RHBG: variants seen among roughly 807,000 people sequenced by gnomAD.
RHBG encodes Rh family B glycoprotein.
A neutral mutation model predicts 40.1 loss-of-function variants in RHBG; 39 were observed. That is an observed-to-expected ratio of 0.97 (90% CI 0.75 to 1.27). RHBG has a LOEUF of 1.27. Ranked by LOEUF, RHBG falls within the 50% of genes most tolerant of loss-of-function variation. The pLI, the probability that RHBG is intolerant of heterozygous loss-of-function variation, is 0.00. For synonymous variants in RHBG, 237 were observed against 252.5 expected (o/e 0.94, Z 0.58); for missense variants, 549 against 588.1 (o/e 0.93, Z 0.69).
In RHBG at chr1:156,381,428, T is replaced by C. The variant is rs558426168; in HGVS notation, c.755T>C (p.Leu252Pro). The C allele has an allele frequency of 6.2e-7, 1 of 1,614,124 alleles. No homozygotes were observed. The change falls in exon 5 of 10, where the codon CTC becomes CCC. Residue 252 changes from leucine (L) to proline (P), a missense_variant. By Grantham distance (98) the Leu-to-Pro change is moderately conservative. This residue lies in a region of RHBG where 399 missense variants were observed against 417.0 expected (regional missense o/e 0.96). Transcript: ENST00000537040. ...GGGGCTGGGCAGCATCGGACGGCCC[T>C]CAACACATACTACTCCCTGGCTGCC... ...ALGAGQHRTA[L>P]NTYYSLAAST... is the part of the protein sequence containing the mutation.
Position 156,384,897 on chromosome 1 carries a change from C to A in RHBG, c.*52C>A. ...GCTCCTTTTCGAAGATGCTGACTGG[C>A]TGCTACTAGGAAGTTCTTTTTGAGC... On this transcript the variant is annotated 3_prime_UTR_variant, in exon 10 of 10. Transcript: ENST00000537040. The A allele has an allele frequency of 8.1e-7, 1 of 1,229,664 alleles. No homozygotes were observed. The highest frequency in any genetic ancestry group is 1.2e-6 in the Non-Finnish European group (1 of 853,138). 76.2% of individuals were successfully genotyped at this position (1,229,664 alleles called of 1,614,324 possible). A position where few individuals can be genotyped will look rare whatever the true frequency, so the allele number is the denominator to read the frequency against.
chr1:156,375,685 T>A (rs545648816), intron 1 of RHBG, among the ~76,000 whole-genome samples: 2 of 151,906 alleles, frequency 1.3e-5, no homozygotes, highest in Non-Finnish European at 1.5e-5. Flanking sequence ...TTTTCTGACT[T>A]GTTGGTGTGC....
In RHBG at chr1:156,384,613, T is replaced by C. The variant is rs1287874163; in HGVS notation, c.1308+13T>C. The C allele has an allele frequency of 6.4e-7, 1 of 1,566,998 alleles. No homozygotes were observed. Among genetic ancestry groups the C allele is most frequent in the South Asian group, 1.2e-5 (1 of 83,996 alleles). On this transcript the variant is annotated intron_variant, in intron 9 of 9. Transcript: ENST00000537040. ...AGTTCACTGGCAGGTGAGACATTGC[T>C]GGGCTCTCACACCCTCTGAGTCTCC...
rs1667297530 is a variant in RHBG, at chr1:156,377,476, T to C, written c.363T>C (p.Val121=). The C allele has an allele frequency of 6.2e-7, 1 of 1,607,026 alleles. No individual in the cohort carries two copies. Among genetic ancestry groups the C allele is most frequent in the Non-Finnish European group, 8.5e-7 (1 of 1,174,144 alleles). Residue 121 remains valine (V), a synonymous_variant, in exon 2 of 10, where the codon GTT becomes GTC. Transcript: ENST00000537040. This position sits in a 1 kb window ranked among gnomAD's most constrained non-coding sequence, Gnocchi z 4.6. ...LHSFHGGHIH[V]GVESMINADF... Reference sequence around the variant, plus strand: ...CCTTCCACGGTGGCCACATCCATGTTGGCGTGGAGAGGTGGGCAGCCGCCA... The same window carrying C: ...CCTTCCACGGTGGCCACATCCATGTCGGCGTGGAGAGGTGGGCAGCCGCCA...
chr1:156,384,359 A>G, intron 8 of RHBG, 168 bp from the exon 9 acceptor site: 1 of 718,592 alleles, frequency 1.4e-6, no homozygotes, highest in Non-Finnish European at 2.6e-6. Flanking sequence ...CACTTTGCAC[A>G]GGGCCTGGCA....
At chr1:156,378,512 C>G (rs1667393540) in intron 4 of RHBG, 113 bp downstream of exon 4, 1 of 1,288,780 alleles carries the variant, frequency 7.8e-7, no homozygotes, top group Non-Finnish European at 1.1e-6. Flanking sequence ...TGTGGGCATT[C>G]ACTTCCCATT....
At chr1:156,374,897 CT>C (rs913409775) in intron 1 of RHBG, among the ~76,000 whole-genome samples, 2 of 151,742 alleles carry the variant, frequency 1.3e-5, no homozygotes, top group African/African-American at 2.4e-5. Flanking sequence ...GAATTCCATT[CT>C]TTTTTTATGG....
At position 156,369,537 on chromosome 1, in the gene RHBG, GGCAGCC is replaced by G; in HGVS notation, c.187+103_187+108del. ...GCATTTGGGTGCCCGCATTTAGCTGGGCAGCCGTCTCGCTCTGAGGTGGAGGGGCTC... is the reference window on the plus strand; with the variant it reads ...GCATTTGGGTGCCCGCATTTAGCTGGGTCTCGCTCTGAGGTGGAGGGGCTC... On this transcript the variant is annotated intron_variant, in intron 1 of 9. Transcript: ENST00000537040. 3 of 1,290,592 alleles carry G rather than the reference GGCAGCC, an allele frequency of 2.3e-6. No individual in the cohort carries two copies. The East Asian group carries it at 7.7e-5, about 33-fold the overall frequency. 79.9% of individuals were successfully genotyped at this position (1,290,592 alleles called of 1,614,324 possible). A position where few individuals can be genotyped will look rare whatever the true frequency, so the allele number is the denominator to read the frequency against.
chr1:156,378,003 G>A lies in RHBG; in HGVS notation c.388G>A (p.Asp130Asn). 1 of 1,549,136 alleles carries A rather than the reference G, an allele frequency of 6.5e-7. No homozygotes were observed. The highest frequency in any genetic ancestry group is 1.7e-4 in the Middle Eastern group (1 of 5,758). Residue 130 changes from aspartate (D) to asparagine (N), a missense_variant, in exon 3 of 10, where the codon GAC (aspartate) becomes AAC (asparagine). By Grantham distance (23) the Asp-to-Asn change is conservative. Coordinates refer to ENST00000537040, the MANE Select transcript of RHBG (RefSeq NM_020407.5). The part of the protein sequence containing the change: ...HVGVESMINA[D>N]FCAGAVLISF... Reference sequence around the variant, plus strand: ...CCCCATCCCCAGCATGATCAATGCTGACTTTTGTGCGGGGGCCGTGCTCAT... The same window carrying A: ...CCCCATCCCCAGCATGATCAATGCTAACTTTTGTGCGGGGGCCGTGCTCAT...
chr1:156,377,914 G>T lies in RHBG; in HGVS notation c.375-76G>T. The stretch of plus-strand genomic sequence containing the variant: ...CCCACCCACCACATCATGCTGTCCT[G>T]GCTTCATGCCAGGCAGGAACCCCGA... On this transcript the variant is annotated intron_variant, in intron 2 of 9. Transcript: ENST00000537040. The surrounding 1 kb of genome is among the most constrained non-coding windows in gnomAD (Gnocchi z 4.6). The T allele has an allele frequency of 2.3e-5, 28 of 1,233,422 alleles. No individual in the cohort carries two copies. The highest frequency in any genetic ancestry group is 3.0e-5 in the African/African-American group (2 of 66,204). The allele number at this position is 1,233,422 out of a possible 1,614,324, so 76.4% of individuals were successfully genotyped here.
chr1:156,369,400 A>G lies in RHBG; in HGVS notation c.151A>G (p.Ser51Gly). ...DAALWHRSNH[S>G]NADNEFYFRY... ...TGCCCTCTGGCACCGGAGCAACCAC[A>G]GTAACGCGGACAATGAATTTTACTT... Residue 51 changes from serine (S) to glycine (G), a missense_variant, in exon 1 of 10, where the codon AGT becomes GGT. Ser to Gly is a moderately conservative substitution (Grantham distance 56, BLOSUM62 0). Around this residue, in one of 3 missense-constraint regions of RHBG, gnomAD observed 99 missense variants for 85.2 expected, o/e 1.16. Coordinates refer to ENST00000537040, the MANE Select transcript of RHBG (RefSeq NM_020407.5). 6.2e-7 allele frequency: 1 copy of G among 1,613,832 alleles called. No homozygotes were observed. The highest frequency in any genetic ancestry group is 1.1e-5 in the South Asian group (1 of 91,050).
In RHBG at chr1:156,381,448, G is replaced by A. The variant is rs908293852; in HGVS notation, c.775G>A (p.Ala259Thr). Reference sequence around the variant, plus strand: ...GGCCCTCAACACATACTACTCCCTGGCTGCCAGCACCCTTGGCACCTTTGC... The same window carrying A: ...GGCCCTCAACACATACTACTCCCTGACTGCCAGCACCCTTGGCACCTTTGC... ...RTALNTYYSL[A>T]ASTLGTFALS... The change falls in exon 5 of 10, where the codon GCT (alanine) becomes ACT (threonine). Residue 259 changes from alanine to threonine, a missense_variant. Around this residue, in one of 3 missense-constraint regions of RHBG, gnomAD observed 399 missense variants for 417.0 expected, o/e 0.96. Coordinates refer to ENST00000537040, the MANE Select transcript of RHBG (RefSeq NM_020407.5). The A allele has an allele frequency of 1.2e-6, 2 of 1,613,954 alleles. No individual in the cohort carries two copies. The highest frequency in any genetic ancestry group is 2.7e-5 in the African/African-American group (2 of 74,902).
At chr1:156,369,569 T>G in intron 1 of RHBG, 133 bp downstream of exon 1, 2 of 999,160 alleles carry the variant, frequency 2.0e-6, no homozygotes, top group East Asian at 5.3e-5. Context: ...GGAGGGGCTC[T>G]GGGTTTAAAA....
chr1:156,376,334 A>G (rs1364428812), intron 1 of RHBG, among the ~76,000 whole-genome samples: 1 of 150,842 alleles, frequency 6.6e-6, no homozygotes, highest in Non-Finnish European at 1.5e-5. Flanking sequence ...CTCTGAGGTC[A>G]TCTCTGTTAA....
rs1220698530 is a variant in RHBG, at chr1:156,382,789, G to T, written c.1154G>T (p.Ser385Ile). The change falls in exon 8 of 10, where the codon AGT becomes ATT. Residue 385 changes from serine to isoleucine, a missense_variant. By Grantham distance (142) the Ser-to-Ile change is moderately radical (BLOSUM62 -2). Around this residue, in one of 3 missense-constraint regions of RHBG, gnomAD observed 399 missense variants for 417.0 expected, o/e 0.96. Transcript: ENST00000537040. ...CCACTCATAGCCGAGGGCCAGCGCA[G>T]TGCCACGTCACAGGCCATGCACCAG... ...VFPLIAEGQR[S>I]ATSQAMHQLF... 2 of 1,614,122 alleles carry T rather than the reference G, an allele frequency of 1.2e-6. No individual in the cohort carries two copies. The highest frequency in any genetic ancestry group is 1.7e-6 in the Non-Finnish European group (2 of 1,180,050).
At chr1:156,370,405 C>T (rs904980790) in intron 1 of RHBG, among the ~76,000 whole-genome samples, 15 of 151,002 alleles carry the variant, frequency 9.9e-5, no homozygotes, top group East Asian at 1.9e-4. Context: ...GTCAGGATCA[C>T]GCCACTGCAC....
Position 156,382,132 on chromosome 1 carries a change from C to G in RHBG, c.1043C>G (p.Pro348Arg). 1 of 1,613,990 alleles carries G rather than the reference C, an allele frequency of 6.2e-7. No homozygotes were observed. Among genetic ancestry groups the G allele is most frequent in the Non-Finnish European group, 8.5e-7 (1 of 1,179,952 alleles). Residue 348 changes from proline to arginine, a missense_variant, in exon 7 of 10, where the codon CCG becomes CGG. This residue lies in a region of RHBG where 399 missense variants were observed against 417.0 expected (regional missense o/e 0.96). Transcript: ENST00000537040. ...TCGVHNLHGM[P>R]GVLGALLGVL... The stretch of plus-strand genomic sequence containing the variant: ...GGAGTCCACAACCTCCATGGGATGC[C>G]GGGGGTCCTGGGGGCCCTCCTGGGG...
At chr1:156,380,725 CAAAAAAAAAA>C (rs564713959) in intron 4 of RHBG, among the ~76,000 whole-genome samples, 3 of 81,996 alleles carry the variant, frequency 3.7e-5, no homozygotes, top group Non-Finnish European at 4.4e-5. Context: ...GACCTTGTCT[CAAAAAAAAAA>C]AAAAAAAAAA....
chr1:156,384,929 T>C lies in RHBG; in HGVS notation c.*84T>C, dbSNP rs969324538. ...TAGGAAGTTCTTTTTGAGCTCCCAT[T>C]CCTCCAGCTGCAAGAAGGGAGCCAT... On this transcript the variant is annotated 3_prime_UTR_variant, in exon 10 of 10. Transcript: ENST00000537040. 5.9e-6 allele frequency: 5 copies of C among 846,940 alleles called. No homozygotes were observed. The African/African-American group carries it at 8.5e-5, about 14-fold the overall frequency. 52.5% of individuals were successfully genotyped at this position (846,940 alleles called of 1,614,324 possible). A position where few individuals can be genotyped will look rare whatever the true frequency, so the allele number is the denominator to read the frequency against.
Sources: allele counts gnomAD v4.1 joint callset (sites outside exome capture counted in the v4.1 genomes callset), GRCh38; gene constraint gnomAD v4.1.1; regional missense constraint gnomAD v4.1.1; non-coding constraint Gnocchi (gnomAD v3.1); transcripts MANE v1.5; gene names NCBI Gene and HGNC (gene_info 2026-07-23, HGNC 2026-07-21).